REG4: variants seen among roughly 807,000 people sequenced by gnomAD.
REG4 encodes the protein regenerating islet-derived protein 4.
A neutral mutation model predicts 22.3 loss-of-function variants in REG4; 16 were observed. That is an observed-to-expected ratio of 0.72 (90% CI 0.49 to 1.09). REG4 has a LOEUF of 1.09. REG4 is among the 50% of genes least tolerant of loss of function. The probability of loss-of-function intolerance (pLI) is 0.00; values close to 1 mark genes in which losing one functional copy is unlikely to be tolerated. For synonymous variants in REG4, 71 were observed against 69.2 expected (o/e 1.03, Z -0.13); for missense variants, 214 against 193.9 (o/e 1.10, Z -0.61).
chr1:119,810,108 C>G (rs191951692), intron 1 of REG4, among the ~76,000 whole-genome samples: 271 of 151,756 alleles, frequency 1.8e-3, no homozygotes, highest in African/African-American at 6.2e-3. Flanking sequence ...TTTTCTCTTA[C>G]TTATTATAAT....
chr1:119,795,381 T>A (rs1422482898), intron 5 of REG4, among the ~76,000 whole-genome samples: 1 of 152,192 alleles, frequency 6.6e-6, no homozygotes, highest in Non-Finnish European at 1.5e-5. Context: ...AAGAAGCTCC[T>A]GTTCAAAGTT....
At chr1:119,799,653 A>C (rs1472544283) in intron 4 of REG4, 72 bp downstream of exon 4, 1 of 1,567,868 alleles carries the variant, frequency 6.4e-7, no homozygotes, top group African/African-American at 1.4e-5. Context: ...ATAGGCCGGG[A>C]GGCCATTCCC....
rs587705200 is a variant in REG4 at position 119,794,507 on chromosome 1, C to G, written c.*111G>C. ...AAAGCCAGTGTAGTAGGGCCCTTAT[C>G]ACTCTTAGTTTGCTAGGTTTCCCCT... On this transcript the variant is annotated 3_prime_UTR_variant, in exon 6 of 6. Transcript: ENST00000256585. The G allele has an allele frequency of 4.7e-4, 471 of 998,494 alleles. 2 individuals carry two copies. Among genetic ancestry groups the G allele is most frequent in the Non-Finnish European group, 3.0e-4 (186 of 624,960 alleles). The allele number at this position is 998,494 out of a possible 1,614,324, so 61.9% of individuals were successfully genotyped here. A position where few individuals can be genotyped will look rare whatever the true frequency, so the allele number is the denominator to read the frequency against.
rs750054207 is a variant in REG4 at position 119,794,453 on chromosome 1, A to G, written c.*165T>C. On this transcript the variant is annotated 3_prime_UTR_variant, in exon 6 of 6. Coordinates refer to ENST00000256585, the MANE Select transcript of REG4 (RefSeq NM_032044.4). ...AGAGCTAGAAGCCACTACTGGGCCA[A>G]TGCTAAAGTTTCTGTCTCTAAGCCT... The G allele has an allele frequency of 1.1e-5, 8 of 695,890 alleles. No homozygotes were observed. Among genetic ancestry groups the G allele is most frequent in the Non-Finnish European group, 1.8e-5 (7 of 385,006 alleles). 43.1% of individuals were successfully genotyped at this position (695,890 alleles called of 1,614,324 possible).
chr1:119,802,313 G>T (rs1660606), intron 3 of REG4: 139 of 983,662 alleles, frequency 1.4e-4, no homozygotes, highest in Non-Finnish European at 1.5e-4. Flanking sequence ...TTTCTAAGGC[G>T]GGAGAATACC....
chr1:119,803,121 T>G lies in REG4; in HGVS notation c.112A>C (p.Lys38Gln), dbSNP rs1489433735. ...PSCAPGWFYH[K>Q]SNCYGYFRKL... ...CTGAAGTAACCATAGCAATTGGACT[T>G]GTGGTAAAACCATCCAGGAGCACAG... Residue 38 changes from lysine to glutamine, a missense_variant, in exon 3 of 6, where the codon AAG (lysine) becomes CAG (glutamine). Coordinates refer to ENST00000256585, the MANE Select transcript of REG4 (RefSeq NM_032044.4). 6.5e-7 allele frequency: 1 copy of G among 1,544,476 alleles called. No homozygotes were observed. Among genetic ancestry groups the G allele is most frequent in the East Asian group, 2.3e-5 (1 of 44,264 alleles).
At position 119,795,987 on chromosome 1, in the gene REG4, G is replaced by T. The variant is rs1653930114; in HGVS notation, c.410-1302C>A. Among the ~76,000 whole-genome samples the T allele has an allele frequency of 2.0e-5, 3 of 152,348 alleles. 1 individual carries two copies. Among genetic ancestry groups the T allele is most frequent in the Non-Finnish European group, 1.5e-5 (1 of 68,030 alleles). On this transcript the variant is annotated intron_variant, in intron 5 of 5. Transcript: ENST00000256585. ...CCAGCTCACTATAGGCACTAAGCAA[G>T]AGGTCTGCTTTTCCCACCTCATCAG...
chr1:119,804,897 G>C (rs1454320109), intron 2 of REG4, among the ~76,000 whole-genome samples: 1 of 151,766 alleles, frequency 6.6e-6, no homozygotes, highest in Non-Finnish European at 1.5e-5. Flanking sequence ...CCCTCACCCT[G>C]CAAGGTGCTT....
chr1:119,800,884 A>G (rs1333385154), intron 3 of REG4, among the ~76,000 whole-genome samples: 5 of 152,184 alleles, frequency 3.3e-5, no homozygotes, highest in Non-Finnish European at 5.9e-5. Flanking sequence ...CACTAGAGGC[A>G]GATATGTAAC....
rs1654173583 is a variant in REG4, at chr1:119,803,138, G to A, written c.95C>T (p.Pro32Leu). 6.5e-7 allele frequency: 1 copy of A among 1,528,200 alleles called. No homozygotes were observed. Among genetic ancestry groups the A allele is most frequent in the African/African-American group, 1.4e-5 (1 of 72,088 alleles). The allele number at this position is 1,528,200 out of a possible 1,614,324, so 94.7% of individuals were successfully genotyped here. A position where few individuals can be genotyped will look rare whatever the true frequency, so the allele number is the denominator to read the frequency against. The change falls in exon 3 of 6, where the codon CCT becomes CTT. Residue 32 changes from proline (P) to leucine (L), a missense_variant. By Grantham distance (98) the Pro-to-Leu change is moderately conservative (BLOSUM62 -3). Coordinates refer to ENST00000256585, the MANE Select transcript of REG4 (RefSeq NM_032044.4). ...GDIIMRPSCA[P>L]GWFYHKSNCY... ...ATTGGACTTGTGGTAAAACCATCCA[G>A]GAGCACAGCTGGGTCTCATGATGAT... is the stretch of plus-strand genomic sequence containing the variant.
chr1:119,807,683 C>T (rs1360342045), intron 2 of REG4, among the ~76,000 whole-genome samples: 1 of 152,162 alleles, frequency 6.6e-6, no homozygotes, highest in East Asian at 1.9e-4. Flanking sequence ...CCTGAGCAGC[C>T]TGCGATAGTT....
intron 1 of REG4, among the ~76,000 whole-genome samples, chr1:119,809,977 C>G (rs1483253112): frequency 6.6e-6 from 1 of 152,012 alleles, no homozygotes; most frequent in Non-Finnish European, 1.5e-5. Context: ...TTTCATTTTA[C>G]AGTTTTGCAC....
chr1:119,799,126 C>G (rs1447845054), intron 4 of REG4, among the ~76,000 whole-genome samples: 1 of 151,842 alleles, frequency 6.6e-6, no homozygotes, highest in Non-Finnish European at 1.5e-5. Flanking sequence ...GCTTTATGTT[C>G]CCTGTGTTTG....
intron 2 of REG4, among the ~76,000 whole-genome samples, chr1:119,805,009 C>A (rs2031401): frequency 6.6e-6 from 1 of 152,096 alleles, no homozygotes; most frequent in African/African-American, 2.4e-5. Flanking sequence ...CATCTGCCCA[C>A]GGTCACACAG....
intron 5 of REG4, among the ~76,000 whole-genome samples, chr1:119,798,002 G>C (rs1393582322): frequency 6.6e-6 from 1 of 152,216 alleles, no homozygotes; most frequent in African/African-American, 2.4e-5. Context: ...CCTGCGCTGA[G>C]CTTCAGGCCA....
chr1:119,798,568 T>C lies in REG4; in HGVS notation c.338A>G (p.Tyr113Cys). ...CTTGCCAGACCAGGATCTGTACAGA[T>C]ACATGGCCCCATCAATCCACTGCCA... is the stretch of plus-strand genomic sequence containing the variant. ...QQWQWIDGAM[Y>C]LYRSWSGKSM... is the part of the protein sequence containing the mutation. The change falls in exon 5 of 6, where the codon TAT becomes TGT. Residue 113 changes from tyrosine to cysteine, a missense_variant. Coordinates refer to ENST00000256585, the MANE Select transcript of REG4 (RefSeq NM_032044.4). 2 of 1,614,188 alleles carry C rather than the reference T, an allele frequency of 1.2e-6. No individual in the cohort carries two copies. Among genetic ancestry groups the C allele is most frequent in the East Asian group, 2.2e-5 (1 of 44,884 alleles).
rs931112471 is a variant in REG4 at position 119,796,301 on chromosome 1, C to A, written c.410-1616G>T. Among the ~76,000 whole-genome samples, 4 of 152,258 alleles carry A rather than the reference C, an allele frequency of 2.6e-5. No homozygotes were observed. In the East Asian group the frequency reaches 7.7e-4, roughly 29 times the overall value. ...ACTGAATATGAAATTTCTTTTCCAA[C>A]TGCAAAACCCAAGTTATCATTATTA... On this transcript the variant is annotated intron_variant, in intron 5 of 5. Transcript: ENST00000256585.
intron 5 of REG4, among the ~76,000 whole-genome samples, chr1:119,798,182 A>C (rs1266654750): frequency 1.3e-5 from 2 of 152,244 alleles, no homozygotes; most frequent in African/African-American, 2.4e-5. Flanking sequence ...AAAATGGGAT[A>C]TATATCCCTC....
At chr1:119,796,309 C>T (rs1296950074) in intron 5 of REG4, among the ~76,000 whole-genome samples, 1 of 152,104 alleles carries the variant, frequency 6.6e-6, no homozygotes, top group Non-Finnish European at 1.5e-5. Context: ...AACTGCAAAA[C>T]CCAAGTTATC....
Sources: allele counts gnomAD v4.1 joint callset (sites outside exome capture counted in the v4.1 genomes callset), GRCh38; gene constraint gnomAD v4.1.1; transcripts MANE v1.5; gene names NCBI Gene and HGNC (gene_info 2026-07-23, HGNC 2026-07-21).